The following CRPPA variants were observed in gnomAD, a reference collection of about 807,000 sequenced individuals.
The protein encoded by CRPPA is D-ribitol-5-phosphate cytidylyltransferase.
In CRPPA, 43 loss-of-function variants were observed where a neutral mutation model predicts 52.0. That is an observed-to-expected ratio of 0.83 (90% confidence interval 0.65 to 1.07). The LOEUF (loss-of-function observed/expected upper bound fraction) is 1.07, where lower values mean the gene tolerates loss of function less well. Among genes scored for constraint, CRPPA ranks in the 50% least tolerant of loss-of-function variants. The pLI is 0.00. For missense variants in CRPPA, 629 were observed against 551.7 expected (o/e 1.14, Z -1.40); for synonymous variants, 250 against 203.5 (o/e 1.23, Z -1.94).
chr7:16,205,925 A>T (rs944790680), intron 9 of CRPPA, among the ~76,000 whole-genome samples: 2 of 152,182 alleles, frequency 1.3e-5, no homozygotes, highest in Admixed American at 1.3e-4. Flanking sequence ...AATTAAATGT[A>T]AATCTTAGTA....
In CRPPA at chr7:16,248,872, T is replaced by G. The variant is rs375555322; in HGVS notation, c.1119+9518A>C. Reference sequence around the variant, plus strand: ...TATACTCTTGCCCAGATACTGTGCTTTTCCCAAGGTCTTTGCAACTGGCAG... The same window carrying G: ...TATACTCTTGCCCAGATACTGTGCTGTTCCCAAGGTCTTTGCAACTGGCAG... On this transcript the variant is annotated intron_variant, in intron 8 of 9. Transcript: ENST00000407010. 1.4e-4 allele frequency among the ~76,000 whole-genome samples: 21 copies of G among 152,252 alleles called. No homozygotes were observed. In the East Asian group the frequency reaches 3.3e-3, roughly 24 times the overall value.
Position 16,091,609 on chromosome 7 carries a change from T to C in CRPPA, c.*86A>G, listed in dbSNP as rs16878685. On this transcript the variant is annotated 3_prime_UTR_variant, in exon 10 of 10. Coordinates refer to ENST00000407010, the MANE Select transcript of CRPPA (RefSeq NM_001101426.4). ...GAAGATATAAAAGACAACTGAAACA[T>C]TCTACCACACACAGCAGCGGGGGCA... 2,213 of 697,176 alleles carry C rather than the reference T, an allele frequency of 3.2e-3. 34 individuals carry two copies. The East Asian group carries it at 0.036, about 11-fold the overall frequency. The allele number at this position is 697,176 out of a possible 1,614,324, so 43.2% of individuals were successfully genotyped here.
At chr7:16,408,172 A>T (rs1462602793) in intron 1 of CRPPA, among the ~76,000 whole-genome samples, 1 of 152,072 alleles carries the variant, frequency 6.6e-6, no homozygotes, top group African/African-American at 2.4e-5. Flanking sequence ...AAGCGCTCAG[A>T]ACTTACAGAC....
chr7:16,098,114 T>A (rs1180724662), intron 9 of CRPPA, among the ~76,000 whole-genome samples: 1 of 152,152 alleles, frequency 6.6e-6, no homozygotes, highest in East Asian at 1.9e-4. Flanking sequence ...TAAACAAACT[T>A]ATAGTAGGCT....
intron 2 of CRPPA, among the ~76,000 whole-genome samples, chr7:16,402,144 A>T (rs1787832595): frequency 7.2e-5 from 11 of 152,192 alleles, no homozygotes; most frequent in Admixed American, 7.2e-4. Context: ...AGGGGAGGAG[A>T]GACACTCACA....
intron 3 of CRPPA, among the ~76,000 whole-genome samples, chr7:16,351,069 C>T (rs907877311): frequency 6.6e-6 from 1 of 151,982 alleles, no homozygotes. Flanking sequence ...AATATATAGG[C>T]ACCCAATATC....
chr7:16,168,692 C>T (rs752128052), intron 9 of CRPPA, among the ~76,000 whole-genome samples: 2 of 151,984 alleles, frequency 1.3e-5, no homozygotes, highest in Admixed American at 6.6e-5. Context: ...GGGTATCTAT[C>T]TAGAATTCTA....
intron 9 of CRPPA, among the ~76,000 whole-genome samples, chr7:16,151,537 T>G (rs1384350957): frequency 6.6e-6 from 1 of 152,100 alleles, no homozygotes; most frequent in African/African-American, 2.4e-5. Flanking sequence ...TCAATGATTA[T>G]TATATTCCTA....
chr7:16,372,944 T>C (rs1035995986), intron 3 of CRPPA, among the ~76,000 whole-genome samples: 1 of 152,198 alleles, frequency 6.6e-6, no homozygotes, highest in Non-Finnish European at 1.5e-5. Context: ...TTTAAGATTA[T>C]AAGATTATCA....
chr7:16,343,878 C>T (rs984023745), intron 3 of CRPPA, among the ~76,000 whole-genome samples: 5 of 152,172 alleles, frequency 3.3e-5, no homozygotes, highest in Admixed American at 1.3e-4. Context: ...AATAGCACCT[C>T]TGAGCTTTAA....
chr7:16,129,389 G>A (rs981390831), intron 9 of CRPPA, among the ~76,000 whole-genome samples: 1 of 151,708 alleles, frequency 6.6e-6, no homozygotes, highest in East Asian at 1.9e-4. Context: ...TTTGTGTTTG[G>A]ATGGAAAATT....
intron 2 of CRPPA, among the ~76,000 whole-genome samples, chr7:16,380,562 A>G (rs1308672007): frequency 1.3e-5 from 2 of 152,152 alleles, no homozygotes; most frequent in African/African-American, 4.8e-5. Flanking sequence ...TTCAGAAGGA[A>G]TGGTACCAGT....
In CRPPA at chr7:16,089,257, TGC is replaced by T. The variant is rs751904564; in HGVS notation, c.*2436_*2437del. 1.5e-5 allele frequency: 5 copies of T among 341,730 alleles called. No homozygotes were observed. The highest frequency in any genetic ancestry group is 6.4e-5 in the South Asian group (3 of 46,904). The allele number at this position is 341,730 out of a possible 1,614,324, so 21.2% of individuals were successfully genotyped here. ...GTACGTATATACATATATGTGTGTA[TGC>T]GTACGTATATACATATATGTGTGTA... On this transcript the variant is annotated 3_prime_UTR_variant, in exon 10 of 10. Coordinates refer to ENST00000407010, the MANE Select transcript of CRPPA (RefSeq NM_001101426.4).
chr7:16,267,768 C>T (rs1416185154), intron 6 of CRPPA, among the ~76,000 whole-genome samples: 2 of 152,114 alleles, frequency 1.3e-5, no homozygotes, highest in Non-Finnish European at 1.5e-5. Flanking sequence ...GTACAGTCTG[C>T]CTCCAGAATC....
intron 5 of CRPPA, among the ~76,000 whole-genome samples, chr7:16,287,203 T>C (rs1468949504): frequency 6.6e-6 from 1 of 152,222 alleles, no homozygotes; most frequent in African/African-American, 2.4e-5. Context: ...CATAAAATTG[T>C]CAACTTTAAG....
intron 2 of CRPPA, among the ~76,000 whole-genome samples, chr7:16,398,166 G>A (rs1208011313): frequency 6.6e-6 from 1 of 151,958 alleles, no homozygotes. Context: ...TGACACAATT[G>A]ACACATGATC....
At chr7:16,418,675 G>A (rs1480527325) in intron 1 of CRPPA, among the ~76,000 whole-genome samples, 5 of 152,142 alleles carry the variant, frequency 3.3e-5, no homozygotes, top group African/African-American at 1.2e-4. Context: ...CAAGAGACCA[G>A]CATGGGGGAA....
chr7:16,222,251 A>G (rs1242089319), intron 8 of CRPPA, among the ~76,000 whole-genome samples: 1 of 143,478 alleles, frequency 7.0e-6, no homozygotes. Flanking sequence ...CAATGAGATC[A>G]CATGGACACA....
chr7:16,408,875 G>A (rs1041351404), intron 1 of CRPPA, among the ~76,000 whole-genome samples: 8 of 152,144 alleles, frequency 5.3e-5, no homozygotes, highest in Non-Finnish European at 1.2e-4. Flanking sequence ...CTGATGCAGG[G>A]CCTCAAGCCA....
Sources: gnomAD v4.1 joint callset for allele counts (sites outside exome capture counted in the v4.1 genomes callset) on GRCh38, gnomAD v4.1.1 for gene constraint, MANE v1.5 for transcripts, NCBI Gene and HGNC (gene_info 2026-07-23, HGNC 2026-07-21) for gene names.